The following NRCAM variants were observed in gnomAD, a reference collection of about 807,000 sequenced individuals.
NRCAM encodes the protein neuronal cell adhesion molecule.
In NRCAM, 83 loss-of-function variants were observed where a neutral mutation model predicts 156.5. The ratio of observed to expected loss-of-function variants is 0.53; its 90% confidence interval spans 0.44 to 0.64. NRCAM has a LOEUF of 0.64. Among genes scored for constraint, NRCAM ranks in the 30% least tolerant of loss-of-function variants. The probability of loss-of-function intolerance (pLI) is 0.00; values close to 1 mark genes in which losing one functional copy is unlikely to be tolerated. For missense variants in NRCAM, 1,417 were observed against 1,597.3 expected, an observed-to-expected ratio of 0.89 and a Z score of 1.92; for synonymous variants, 538 against 563.9, an observed-to-expected ratio of 0.95 and a Z score of 0.65.
chr7:108,234,869 T>C, intron 5 of NRCAM, 181 bp from the exon 6 acceptor site: 1 of 748,772 alleles, frequency 1.3e-6, no homozygotes, highest in Non-Finnish European at 2.4e-6. Context: ...GCTAAAACTG[T>C]GAAGTCAAGG....
chr7:108,428,153 T>G (rs1819802755), intron 1 of NRCAM, among the ~76,000 whole-genome samples: 1 of 152,292 alleles, frequency 6.6e-6, no homozygotes. Context: ...AGAAATATCT[T>G]CAATGACATT....
chr7:108,222,147 G>A (rs1022290401), intron 11 of NRCAM, among the ~76,000 whole-genome samples: 5 of 152,154 alleles, frequency 3.3e-5, no homozygotes, highest in Non-Finnish European at 7.3e-5. Flanking sequence ...CTTATAGTCA[G>A]ACTAATCTGC....
chr7:108,413,127 A>G (rs1797474091), intron 1 of NRCAM, among the ~76,000 whole-genome samples: 1 of 152,174 alleles, frequency 6.6e-6, no homozygotes, highest in East Asian at 1.9e-4. Flanking sequence ...TAATTGCTGT[A>G]CTACTTTACA....
intron 32 of NRCAM, among the ~76,000 whole-genome samples, chr7:108,151,743 C>T (rs1281578665): frequency 1.3e-5 from 2 of 152,160 alleles, no homozygotes. Context: ...TGAAAATAGC[C>T]TACACAACAT....
At chr7:108,241,015 C>T (rs925158712) in intron 3 of NRCAM, among the ~76,000 whole-genome samples, 1 of 152,072 alleles carries the variant, frequency 6.6e-6, no homozygotes, top group African/African-American at 2.4e-5. Flanking sequence ...CCTTTATCCA[C>T]CATATTTTCT....
chr7:108,225,528 T>C lies in NRCAM; in HGVS notation c.778+117A>G, dbSNP rs1412369451. ...AAACATACATTTATACTAGTGGTAT[T>C]TAACATATAACTAGAAATCTCATAA... On this transcript the variant is annotated intron_variant, in intron 10 of 32. Transcript: ENST00000379028. 2.0e-5 allele frequency: 15 copies of C among 751,906 alleles called. 1 individual carries two copies. The highest frequency in any genetic ancestry group is 1.6e-4 in the South Asian group (11 of 68,160). The allele number at this position is 751,906 out of a possible 1,614,324, so 46.6% of individuals were successfully genotyped here.
rs769043109 is a variant in NRCAM, at chr7:108,223,796, T to C, written c.819A>G (p.Pro273=). The C allele has an allele frequency of 3.1e-6, 5 of 1,611,344 alleles. No homozygotes were observed. The highest frequency in any genetic ancestry group is 2.2e-5 in the South Asian group (2 of 90,982). Residue 273 remains proline, a synonymous_variant, in exon 11 of 33, where the codon CCA becomes CCG. Transcript: ENST00000379028. ...CCTCTTTGTTACTTGCATTGCCTTC[T>C]GGAGTTAAAAATGTTGGTGGCCTCT... ...SRERPPTFLT[P]EGNASNKEEL...
intron 20 of NRCAM, among the ~76,000 whole-genome samples, chr7:108,185,145 C>T (rs371215): frequency 0.68 from 103,267 of 151,912 alleles, 37,159 homozygotes; most frequent in East Asian, 0.96. Context: ...TTGACTATGA[C>T]ACAAGGAATC....
At chr7:108,366,073 G>A (rs2099589987) in intron 2 of NRCAM, among the ~76,000 whole-genome samples, 1 of 152,160 alleles carries the variant, frequency 6.6e-6, no homozygotes, top group African/African-American at 2.4e-5. Flanking sequence ...CATCTCTTCT[G>A]CCATGTGAGG....
At chr7:108,294,086 T>C (rs1308559923) in intron 3 of NRCAM, among the ~76,000 whole-genome samples, 4 of 151,890 alleles carry the variant, frequency 2.6e-5, no homozygotes, top group Non-Finnish European at 5.9e-5. Context: ...AGATTCTTGG[T>C]TCTGAATCTT....
At chr7:108,171,545 C>T (rs117928439) in intron 28 of NRCAM, among the ~76,000 whole-genome samples, 2,986 of 152,216 alleles carry the variant, frequency 0.02, 52 homozygotes, top group Middle Eastern at 0.034. Flanking sequence ...CCTGACTCAT[C>T]TGACAAAAAT....
Position 108,204,009 on chromosome 7 carries a change from G to A in NRCAM, c.1207+3519C>T, listed in dbSNP as rs1486487269. 7.9e-5 allele frequency among the ~76,000 whole-genome samples: 12 copies of A among 152,202 alleles called. No homozygotes were observed. The East Asian group carries it at 2.3e-3, about 29-fold the overall frequency. On this transcript the variant is annotated intron_variant, in intron 13 of 32. Coordinates refer to ENST00000379028, the MANE Select transcript of NRCAM (RefSeq NM_001037132.4). ...TACCTTCACCTCTCTGCATCTCCCTGTCATCCTTCCCCCGTCTCCCAGCCG... is the reference window on the plus strand; with the variant it reads ...TACCTTCACCTCTCTGCATCTCCCTATCATCCTTCCCCCGTCTCCCAGCCG...
chr7:108,315,376 T>C (rs2098897621), intron 2 of NRCAM, among the ~76,000 whole-genome samples: 1 of 152,200 alleles, frequency 6.6e-6, no homozygotes, highest in Admixed American at 6.5e-5. Flanking sequence ...AAACTGGCAT[T>C]TATCTTTGGT....
At chr7:108,316,794 A>C (rs2098930618) in intron 2 of NRCAM, among the ~76,000 whole-genome samples, 1 of 151,942 alleles carries the variant, frequency 6.6e-6, no homozygotes. Flanking sequence ...ATCTCAAAAA[A>C]AAAAAAAAAG....
rs145911596 is a variant in NRCAM, at chr7:108,242,806, T to A, written c.-106-2636A>T. 9.1e-4 allele frequency among the ~76,000 whole-genome samples: 139 copies of A among 152,314 alleles called. 1 individual carries two copies. Among genetic ancestry groups the A allele is most frequent in the Middle Eastern group, 3.4e-3 (1 of 294 alleles). On this transcript the variant is annotated intron_variant, in intron 3 of 32. Coordinates refer to ENST00000379028, the MANE Select transcript of NRCAM (RefSeq NM_001037132.4). ...TAGATGTACTAATAAATTGTAACACTTGTAAGATCTTAAACAGCTACATAC... is the reference window on the plus strand; with the variant it reads ...TAGATGTACTAATAAATTGTAACACATGTAAGATCTTAAACAGCTACATAC...
chr7:108,252,006 A>G (rs2096380464), intron 3 of NRCAM, among the ~76,000 whole-genome samples: 1 of 152,230 alleles, frequency 6.6e-6, no homozygotes, highest in African/African-American at 2.4e-5. Flanking sequence ...AACAGAATTT[A>G]CAAATGAAAG....
At chr7:108,367,163 T>C (rs1044833301) in intron 2 of NRCAM, among the ~76,000 whole-genome samples, 2 of 152,200 alleles carry the variant, frequency 1.3e-5, no homozygotes, top group Non-Finnish European at 2.9e-5. Context: ...GACTATAATA[T>C]TGGAGATACC....
intron 2 of NRCAM, among the ~76,000 whole-genome samples, chr7:108,371,640 T>A (rs1048545400): frequency 7.9e-5 from 12 of 152,180 alleles, no homozygotes; most frequent in African/African-American, 2.9e-4. Flanking sequence ...GGCACTAGAA[T>A]TGCCACTGTG....
intron 3 of NRCAM, among the ~76,000 whole-genome samples, chr7:108,253,239 G>A (rs1033615205): frequency 4.6e-5 from 7 of 152,228 alleles, no homozygotes; most frequent in Non-Finnish European, 1.0e-4. Flanking sequence ...TTGGGAGCAG[G>A]CAGTGAGCTG....
Sources: gnomAD v4.1 joint callset for allele counts (sites outside exome capture counted in the v4.1 genomes callset) on GRCh38, gnomAD v4.1.1 for gene constraint, MANE v1.5 for transcripts, NCBI Gene and HGNC (gene_info 2026-07-23, HGNC 2026-07-21) for gene names.